The following BRI3 variants were observed in gnomAD, a reference collection of about 807,000 sequenced individuals.
BRI3 encodes the protein membrane protein BRI3.
A neutral mutation model predicts 12.8 loss-of-function variants in BRI3; 6 were observed. The observed-to-expected ratio is 0.47, with a 90% CI of 0.26 to 0.93. BRI3 has a LOEUF of 0.93. Ranked by LOEUF, BRI3 falls within the 40% of genes least tolerant of loss-of-function variation. The probability of loss-of-function intolerance (pLI) is 0.15; values close to 1 mark genes in which losing one functional copy is unlikely to be tolerated. For synonymous variants in BRI3, 91 were observed against 76.1 expected (o/e 1.20, Z -1.02); for missense variants, 134 against 171.1 (o/e 0.78, Z 1.21).
downstream of BRI3, chr7:98,315,375 CG>C (rs1244442296): frequency 1.6e-6 from 2 of 1,243,376 alleles, no homozygotes; most frequent in Non-Finnish European, 2.1e-6. Flanking sequence ...GGATTACAGG[CG>C]TGGGCCACGG....
chr7:98,307,730 C>T, exon 2 of BRI3: 1 of 1,614,250 alleles, frequency 6.2e-7, no homozygotes, highest in Admixed American at 1.7e-5. Context: ...AGCCATCCTT[C>T]TCCTCGGGGA....
chr7:98,285,738 T>C (rs1799690586), intron 2 of BRI3, among the ~76,000 whole-genome samples: 1 of 151,982 alleles, frequency 6.6e-6, no homozygotes, highest in African/African-American at 2.4e-5. Context: ...CCCTGGCCAT[T>C]GGGTTTGCTG....
chr7:98,308,864 A>C (rs913552745), exon 2 of BRI3: 1 of 153,060 alleles, frequency 6.5e-6, no homozygotes, highest in Non-Finnish European at 1.5e-5. Flanking sequence ...TTTTTTGTAG[A>C]GACAGTGTCT....
At chr7:98,313,982 C>CTTTT (rs35599338), downstream of BRI3, among the ~76,000 whole-genome samples, 18 of 100,964 alleles carry the variant, frequency 1.8e-4, no homozygotes, top group East Asian at 2.7e-4. Flanking sequence ...CTTTTTCTTC[C>CTTTT]TTTTTTTTTT....
At chr7:98,322,021 G>T in the BRI3 span, among the ~76,000 whole-genome samples, 1 of 152,132 alleles carries the variant, frequency 6.6e-6, no homozygotes, top group Admixed American at 6.5e-5. Flanking sequence ...GCTTGAACCT[G>T]GGAGGCAGAG....
chr7:98,298,622 CA>C (rs949069361), intron 1 of BRI3, among the ~76,000 whole-genome samples: 1 of 151,510 alleles, frequency 6.6e-6, no homozygotes, highest in South Asian at 2.1e-4. Context: ...CAAAACAAAA[CA>C]AAAAAAACAT....
downstream of BRI3, chr7:98,292,098 C>G (rs1799982870): frequency 6.4e-6 from 1 of 155,106 alleles, no homozygotes; most frequent in African/African-American, 2.4e-5. Flanking sequence ...GATGGTAACA[C>G]TGCTGGACCT....
At chr7:98,308,168 C>T (rs749278184) in exon 2 of BRI3, 25 of 593,522 alleles carry the variant, frequency 4.2e-5, no homozygotes, top group Middle Eastern at 5.3e-4. Context: ...AAGGACAAGG[C>T]GGTGTGTGCC....
chr7:98,294,881 CCA>C (rs1334417862), downstream of BRI3, among the ~76,000 whole-genome samples: 1 of 152,198 alleles, frequency 6.6e-6, no homozygotes, highest in African/African-American at 2.4e-5. Context: ...CCAGCACCTG[CCA>C]CCCAGGGCGA....
intron 2 of BRI3, among the ~76,000 whole-genome samples, chr7:98,283,341 T>C (rs1227831133): frequency 6.6e-6 from 1 of 151,682 alleles, no homozygotes; most frequent in Non-Finnish European, 1.5e-5. Context: ...GGGAAGTGAG[T>C]GATTTCAGAG....
chr7:98,281,758 C>A lies in BRI3; in HGVS notation c.-38C>A. 9.9e-7 allele frequency: 1 copy of A among 1,014,034 alleles called. No individual in the cohort carries two copies. The highest frequency in any genetic ancestry group is 1.2e-6 in the Non-Finnish European group (1 of 846,930). The allele number at this position is 1,014,034 out of a possible 1,614,324, so 62.8% of individuals were successfully genotyped here. ...GCGTCCCCCGCCGGGGCCGACCGAGCCGAGCCGGGCCGGAGCGGCGGGCGC... is the reference window on the plus strand; with the variant it reads ...GCGTCCCCCGCCGGGGCCGACCGAGACGAGCCGGGCCGGAGCGGCGGGCGC... On this transcript the variant is annotated 5_prime_UTR_variant, in exon 1 of 3. Coordinates refer to ENST00000297290, the MANE Select transcript of BRI3 (RefSeq NM_015379.5).
At chr7:98,301,403 G>A (rs1800413194) in intron 1 of BRI3, among the ~76,000 whole-genome samples, 1 of 151,606 alleles carries the variant, frequency 6.6e-6, no homozygotes, top group South Asian at 2.1e-4. Context: ...GCTTTTGAAT[G>A]TTCTTGGATG....
chr7:98,306,814 C>A, intron 1 of BRI3: 1 of 386,592 alleles, frequency 2.6e-6, no homozygotes, highest in Non-Finnish European at 4.8e-6. Flanking sequence ...CTCAAGCAAT[C>A]CCCCTGCCTC....
At chr7:98,285,511 G>C (rs1799681313) in intron 2 of BRI3, among the ~76,000 whole-genome samples, 1 of 152,212 alleles carries the variant, frequency 6.6e-6, no homozygotes, top group Admixed American at 6.5e-5. Context: ...CTGAGGTGTG[G>C]GGGCAGCGGA....
upstream of BRI3, among the ~76,000 whole-genome samples, chr7:98,304,538 C>A (rs1800558835): frequency 6.6e-6 from 1 of 152,042 alleles, no homozygotes; most frequent in African/African-American, 2.4e-5. Flanking sequence ...TATATCAATA[C>A]AAAACACTGT....
intron 2 of BRI3, among the ~76,000 whole-genome samples, chr7:98,284,206 G>A (rs1799630405): frequency 1.3e-5 from 2 of 152,186 alleles, no homozygotes; most frequent in South Asian, 4.1e-4. Context: ...AGGTTGGGGG[G>A]TCCTTAGTCC....
downstream of BRI3, chr7:98,292,367 CCTGT>C (rs1364426402): frequency 2.5e-5 from 11 of 433,260 alleles, no homozygotes; most frequent in Middle Eastern, 6.7e-4. Flanking sequence ...CACCACCACA[CCTGT>C]CTAATTTTTG....
At chr7:98,304,053 C>A, upstream of BRI3, 1 of 810,252 alleles carries the variant, frequency 1.2e-6, no homozygotes, top group Non-Finnish European at 1.8e-6. Context: ...TCAAAGGCAG[C>A]AAGTCCCCTC....
chr7:98,284,090 G>C (rs1474375625), intron 2 of BRI3, among the ~76,000 whole-genome samples: 3 of 152,198 alleles, frequency 2.0e-5, no homozygotes, highest in Admixed American at 1.3e-4. Flanking sequence ...TCTTGGGCTC[G>C]GCCCTCAGAG....
Sources: gnomAD v4.1 joint callset for allele counts (sites outside exome capture counted in the v4.1 genomes callset) on GRCh38, gnomAD v4.1.1 for gene constraint, MANE v1.5 for transcripts, NCBI Gene and HGNC (gene_info 2026-07-23, HGNC 2026-07-21) for gene names.